Variants in BCAS3 observed in about 807,000 individuals in gnomAD.
The protein encoded by BCAS3 is BCAS4/BCAS3 fusion.
Under a neutral mutation model 116.1 loss-of-function variants are expected in BCAS3, and 53 were observed. The ratio of observed to expected loss-of-function variants is 0.46; its 90% CI spans 0.37 to 0.57. The LOEUF (loss-of-function observed/expected upper bound fraction) is 0.57. Ranked by LOEUF, BCAS3 falls within the 20% of genes least tolerant of loss-of-function variation. The pLI is 0.00. For missense variants in BCAS3, 917 were observed against 1,165.4 expected (o/e 0.79, Z 3.10); for synonymous variants, 391 against 408.2 (o/e 0.96, Z 0.51).
rs1176460093 is a variant in BCAS3 at position 61,083,402 on chromosome 17, A to T, written c.2328-1065A>T. On this transcript the variant is annotated intron_variant, in intron 21 of 23. Coordinates refer to ENST00000407086, the MANE Select transcript of BCAS3 (RefSeq NM_017679.5). This position sits in a 1 kb window ranked among gnomAD's most constrained non-coding sequence, Gnocchi z 4.9. The stretch of plus-strand genomic sequence containing the variant: ...TCAGAGTAATGCCTACAAGCAATTA[A>T]TATTCAGTAAATACTTACTGTATGA... Among the ~76,000 whole-genome samples, 2 of 152,194 alleles carry T rather than the reference A, an allele frequency of 1.3e-5. No homozygotes were observed. The highest frequency in any genetic ancestry group is 2.9e-5 in the Non-Finnish European group (2 of 68,036).
chr17:61,102,606 A>G (rs2074396658), intron 22 of BCAS3, among the ~76,000 whole-genome samples: 1 of 152,162 alleles, frequency 6.6e-6, no homozygotes, highest in Non-Finnish European at 1.5e-5. Context: ...GCTTGTTGTT[A>G]AAGTCCATTT....
chr17:61,051,749 C>T lies in BCAS3; in HGVS notation c.2029+10857C>T, dbSNP rs1317879047. Among the ~76,000 whole-genome samples the T allele has an allele frequency of 6.6e-6, 1 of 152,038 alleles. No individual in the cohort carries two copies. The highest frequency in any genetic ancestry group is 1.5e-5 in the Non-Finnish European group (1 of 68,022). ...AGTACCTGGGACTATAGGCTCGCACCATCATGCCTGGCTAATTCAAAATAA... is the reference window on the plus strand; with the variant it reads ...AGTACCTGGGACTATAGGCTCGCACTATCATGCCTGGCTAATTCAAAATAA... On this transcript the variant is annotated intron_variant, in intron 19 of 23. Coordinates refer to ENST00000407086, the MANE Select transcript of BCAS3 (RefSeq NM_017679.5). The surrounding 1 kb of genome is among the most constrained non-coding windows in gnomAD (Gnocchi z 4.1).
intron 22 of BCAS3, among the ~76,000 whole-genome samples, chr17:61,091,595 A>G (rs1181486688): frequency 6.6e-6 from 1 of 152,212 alleles, no homozygotes; most frequent in East Asian, 1.9e-4. Flanking sequence ...TAGTAAGCCC[A>G]GTGGGCAATT....
At chr17:61,292,480 C>T (rs1472365021) in intron 22 of BCAS3, among the ~76,000 whole-genome samples, 10 of 152,006 alleles carry the variant, frequency 6.6e-5, no homozygotes, top group Admixed American at 6.6e-4. Context: ...GGCAAAACCC[C>T]ATCTCTACTA....
At chr17:60,783,062 A>G (rs1052690983) in intron 6 of BCAS3, among the ~76,000 whole-genome samples, 28 of 152,242 alleles carry the variant, frequency 1.8e-4, no homozygotes, top group African/African-American at 5.8e-4. Flanking sequence ...AAAATATTTG[A>G]TATGCTGATA....
chr17:60,685,822 A>G (rs966074503), intron 3 of BCAS3, among the ~76,000 whole-genome samples: 2 of 151,958 alleles, frequency 1.3e-5, no homozygotes, highest in African/African-American at 4.8e-5. Context: ...GCACCTACTG[A>G]CCATAGGTTG....
At chr17:60,872,420 T>C (rs1170933264) in intron 8 of BCAS3, among the ~76,000 whole-genome samples, 1 of 151,316 alleles carries the variant, frequency 6.6e-6, no homozygotes, top group Non-Finnish European at 1.5e-5. Flanking sequence ...CATATATATC[T>C]GTATGTATAT....
chr17:61,109,915 C>T (rs973493448), intron 22 of BCAS3, among the ~76,000 whole-genome samples: 4 of 152,212 alleles, frequency 2.6e-5, no homozygotes, highest in African/African-American at 9.6e-5. Context: ...CTAATTATTT[C>T]TTTTGCTGTG....
chr17:61,321,108 A>G (rs952810017), intron 22 of BCAS3, among the ~76,000 whole-genome samples: 1 of 152,200 alleles, frequency 6.6e-6, no homozygotes, highest in Non-Finnish European at 1.5e-5. Context: ...TCCTTAATCT[A>G]GGGTCTTTTG....
intron 22 of BCAS3, among the ~76,000 whole-genome samples, chr17:61,308,537 C>T (rs1033018995): frequency 2.6e-5 from 4 of 151,584 alleles, no homozygotes; most frequent in African/African-American, 7.3e-5. Context: ...ATACACAGAC[C>T]CCAGCTCTTC....
rs1424000373 is a variant in BCAS3 at position 61,313,542 on chromosome 17, G to A, written c.2426-54785G>A. ...ATAACCCCACAGGAGAGGCCTGGCTGAACGGGGATTTGTGTGGGCCAGACA... is the reference window on the plus strand; with the variant it reads ...ATAACCCCACAGGAGAGGCCTGGCTAAACGGGGATTTGTGTGGGCCAGACA... On this transcript the variant is annotated intron_variant, in intron 22 of 23. Transcript: ENST00000407086. This position sits in a 1 kb window ranked among gnomAD's most constrained non-coding sequence, Gnocchi z 4.3. Among the ~76,000 whole-genome samples, 1 of 152,210 alleles carries A rather than the reference G, an allele frequency of 6.6e-6. No individual in the cohort carries two copies. Among genetic ancestry groups the A allele is most frequent in the African/African-American group, 2.4e-5 (1 of 41,458 alleles).
rs1340953735 is a variant in BCAS3 at position 61,037,992 on chromosome 17, G to A, written c.1866G>A (p.Lys622=). 2 of 1,614,050 alleles carry A rather than the reference G, an allele frequency of 1.2e-6. No homozygotes were observed. The highest frequency in any genetic ancestry group is 2.7e-5 in the African/African-American group (2 of 74,924). ...CGCGACCCCTCAGCACTGCACCCAAGATTAGTGACGACACACCACTGGAAA... is the reference window on the plus strand; with the variant it reads ...CGCGACCCCTCAGCACTGCACCCAAAATTAGTGACGACACACCACTGGAAA... The part of the protein sequence containing the change: ...MEPRPLSTAP[K]ISDDTPLEMM... Residue 622 remains lysine, a synonymous_variant, in exon 18 of 24, where the codon AAG becomes AAA. Coordinates refer to ENST00000407086, the MANE Select transcript of BCAS3 (RefSeq NM_017679.5). The surrounding 1 kb of genome is among the most constrained non-coding windows in gnomAD (Gnocchi z 4.7).
chr17:61,016,093 C>A (rs965049090), intron 16 of BCAS3, among the ~76,000 whole-genome samples, 192 bp downstream of exon 16: 1 of 152,164 alleles, frequency 6.6e-6, no homozygotes, highest in African/African-American at 2.4e-5. Flanking sequence ...CATGTATACA[C>A]ACATTCATCG....
intron 22 of BCAS3, among the ~76,000 whole-genome samples, chr17:61,195,232 T>A (rs1194925917): frequency 6.6e-6 from 1 of 152,250 alleles, no homozygotes; most frequent in East Asian, 1.9e-4. Flanking sequence ...CTGTAAAAAT[T>A]GGCTGTTCAT....
rs752524305 is a variant in BCAS3, at chr17:60,973,586, A to ATATATATATATAT, written c.1222-16385_1222-16384insTATATATATATAT. Among the ~76,000 whole-genome samples the ATATATATATATAT allele has an allele frequency of 3.7e-3, 511 of 137,878 alleles. 10 individuals are homozygous for ATATATATATATAT. The highest frequency in any genetic ancestry group is 0.014 in the African/African-American group (486 of 34,876). 90.5% of individuals were successfully genotyped at this position (137,878 alleles called of 152,430 possible). Reference sequence around the variant, plus strand: ...TAGACATTGCTATTACCTTATTATTAATATATATATATATATATATATGTA... The same window carrying ATATATATATATAT: ...TAGACATTGCTATTACCTTATTATTATATATATATATATATATATATATATATATATATATGTA... On this transcript the variant is annotated intron_variant, in intron 14 of 23. Coordinates refer to ENST00000407086, the MANE Select transcript of BCAS3 (RefSeq NM_017679.5).
rs538294495 is a variant in BCAS3 at position 61,286,319 on chromosome 17, G to A, written c.2426-82008G>A. 1.3e-5 allele frequency among the ~76,000 whole-genome samples: 2 copies of A among 152,302 alleles called. No homozygotes were observed. Among genetic ancestry groups the A allele is most frequent in the South Asian group, 4.2e-4 (2 of 4,818 alleles). On this transcript the variant is annotated intron_variant, in intron 22 of 23. Coordinates refer to ENST00000407086, the MANE Select transcript of BCAS3 (RefSeq NM_017679.5). The surrounding 1 kb of genome is among the most constrained non-coding windows in gnomAD (Gnocchi z 4.8). ...TCTGAATCTGCATTTGAAAGTTATC[G>A]TGAGCAGATGAAGCAGAGGTTGCTG...
rs1283098333 is a variant in BCAS3 at position 60,742,851 on chromosome 17, C to T, written c.322-4347C>T. ...ATTTTCGGCCAGGCACGGTGGCTCACGCCTGTAATCCCAGCACTTTGGGAG... is the reference window on the plus strand; with the variant it reads ...ATTTTCGGCCAGGCACGGTGGCTCATGCCTGTAATCCCAGCACTTTGGGAG... On this transcript the variant is annotated intron_variant, in intron 5 of 23. Transcript: ENST00000407086. Among the ~76,000 whole-genome samples, 12 of 151,986 alleles carry T rather than the reference C, an allele frequency of 7.9e-5. No individual in the cohort carries two copies. In the South Asian group the frequency reaches 1.7e-3, roughly 21 times the overall value.
At chr17:60,680,465 C>T (rs954443137) in intron 2 of BCAS3, among the ~76,000 whole-genome samples, 11 of 152,044 alleles carry the variant, frequency 7.2e-5, no homozygotes, top group African/African-American at 2.2e-4. Context: ...TGTGGTGTTC[C>T]CGTCTATGTA....
intron 22 of BCAS3, among the ~76,000 whole-genome samples, chr17:61,137,699 G>T (rs1413351045): frequency 6.6e-6 from 1 of 152,234 alleles, no homozygotes; most frequent in Admixed American, 6.5e-5. Context: ...AACCCGGAAG[G>T]CAGAGATTGC....
Sources: allele counts gnomAD v4.1 joint callset (sites outside exome capture counted in the v4.1 genomes callset), GRCh38; gene constraint gnomAD v4.1.1; non-coding constraint Gnocchi (gnomAD v3.1); transcripts MANE v1.5; gene names NCBI Gene and HGNC (gene_info 2026-07-23, HGNC 2026-07-21).